Variants in FHIT observed in about 807,000 individuals in gnomAD.
FHIT encodes the protein fragile histidine triad diadenosine triphosphatase.
FHIT carries 19 observed loss-of-function variants against 17.9 expected under a neutral mutation model. That is an observed-to-expected ratio of 1.06 (90% confidence interval 0.74 to 1.56). The LOEUF (loss-of-function observed/expected upper bound fraction) is 1.56. FHIT is among the 40% of genes most tolerant of loss of function. The pLI is 0.00. For missense variants in FHIT, 248 were observed against 189.2 expected (o/e 1.31, Z -1.82); for synonymous variants, 81 against 69.7 (o/e 1.16, Z -0.81).
chr3:60,715,927 C>A (rs1422972969), intron 4 of FHIT, among the ~76,000 whole-genome samples: 1 of 152,106 alleles, frequency 6.6e-6, no homozygotes, highest in Non-Finnish European at 1.5e-5. Context: ...GTCTGTGAAG[C>A]ACCCTTTGAG....
intron 3 of FHIT, among the ~76,000 whole-genome samples, chr3:60,875,923 A>C (rs533723794): frequency 7.3e-6 from 1 of 136,802 alleles, no homozygotes; most frequent in African/African-American, 2.7e-5. Context: ...AAACTTATTC[A>C]TGTGTGTGTG....
At chr3:59,780,715 C>T (rs370648184) in intron 8 of FHIT, among the ~76,000 whole-genome samples, 1 of 152,194 alleles carries the variant, frequency 6.6e-6, no homozygotes. Flanking sequence ...TGTGAGGATA[C>T]CTCAAGAAGG....
intron 5 of FHIT, among the ~76,000 whole-genome samples, chr3:60,302,051 G>C (rs1345823902): frequency 6.6e-6 from 1 of 152,056 alleles, no homozygotes; most frequent in Non-Finnish European, 1.5e-5. Flanking sequence ...TAATATTTTT[G>C]CCTCTACTTT....
At chr3:59,833,496 C>G (rs1397323517) in intron 8 of FHIT, among the ~76,000 whole-genome samples, 1 of 152,170 alleles carries the variant, frequency 6.6e-6, no homozygotes, top group Non-Finnish European at 1.5e-5. Flanking sequence ...CTACAGGCTA[C>G]AGAGAGAGCA....
intron 3 of FHIT, among the ~76,000 whole-genome samples, chr3:60,925,753 GAC>G (rs1553769693): frequency 6.6e-6 from 1 of 152,124 alleles, no homozygotes; most frequent in Non-Finnish European, 1.5e-5. Flanking sequence ...CCAGTTAAAA[GAC>G]ACAGACTGGC....
chr3:61,069,585 C>A (rs1410469310), intron 2 of FHIT, among the ~76,000 whole-genome samples: 1 of 152,090 alleles, frequency 6.6e-6, no homozygotes, highest in African/African-American at 2.4e-5. Flanking sequence ...CCTGCCCAAC[C>A]AAATTAAGGA....
chr3:59,904,876 T>C (rs1233522293), intron 8 of FHIT, among the ~76,000 whole-genome samples: 3 of 152,174 alleles, frequency 2.0e-5, no homozygotes, highest in African/African-American at 7.2e-5. Flanking sequence ...GATTTGTTTG[T>C]GAGTCTGCAA....
At chr3:60,747,317 T>C (rs1653409940) in intron 4 of FHIT, among the ~76,000 whole-genome samples, 1 of 152,132 alleles carries the variant, frequency 6.6e-6, no homozygotes. Context: ...GAGTCAGGTA[T>C]CCCTTCTCAG....
chr3:60,858,175 C>A (rs782503277), intron 3 of FHIT, among the ~76,000 whole-genome samples: 2 of 151,996 alleles, frequency 1.3e-5, no homozygotes, highest in Non-Finnish European at 2.9e-5. Context: ...AAGATCTAAC[C>A]AGTATGATAG....
chr3:60,549,697 CT>C (rs2036482654), intron 4 of FHIT, among the ~76,000 whole-genome samples: 1 of 152,150 alleles, frequency 6.6e-6, no homozygotes, highest in Non-Finnish European at 1.5e-5. Flanking sequence ...AGGGAAATAA[CT>C]TCTTCTAAAT....
intron 5 of FHIT, among the ~76,000 whole-genome samples, chr3:60,183,998 G>GTT (rs11302357): frequency 2.5e-4 from 37 of 146,498 alleles, no homozygotes; most frequent in Non-Finnish European, 3.0e-4. Flanking sequence ...TTTATTTTTC[G>GTT]TTTTTTTTTT....
At chr3:60,464,120 C>A (rs1266668112) in intron 5 of FHIT, among the ~76,000 whole-genome samples, 3 of 152,132 alleles carry the variant, frequency 2.0e-5, no homozygotes, top group African/African-American at 7.2e-5. Flanking sequence ...AACACTATGG[C>A]AGAACTGAGT....
chr3:61,202,774 G>A (rs918023597), intron 1 of FHIT, among the ~76,000 whole-genome samples: 5 of 152,064 alleles, frequency 3.3e-5, no homozygotes, highest in African/African-American at 7.2e-5. Context: ...GCAACAGTGC[G>A]GACACTGTGT....
At chr3:61,136,237 C>A (rs2036912368) in intron 2 of FHIT, among the ~76,000 whole-genome samples, 2 of 149,204 alleles carry the variant, frequency 1.3e-5, no homozygotes, top group Admixed American at 6.7e-5. Context: ...ACCCCCCTCA[C>A]CCGACCCACC....
At chr3:60,531,136 A>G (rs1381768455) in intron 5 of FHIT, among the ~76,000 whole-genome samples, 2 of 152,228 alleles carry the variant, frequency 1.3e-5, no homozygotes, top group Non-Finnish European at 2.9e-5. Flanking sequence ...GCTGGCTAAT[A>G]TACAACAAGC....
At chr3:60,731,668 C>T (rs2042033115) in intron 4 of FHIT, among the ~76,000 whole-genome samples, 1 of 152,140 alleles carries the variant, frequency 6.6e-6, no homozygotes, top group South Asian at 2.1e-4. Context: ...CCTCTTAGTG[C>T]ACATACTTGA....
At chr3:60,936,701 A>G (rs571324825) in intron 3 of FHIT, among the ~76,000 whole-genome samples, 1 of 152,278 alleles carries the variant, frequency 6.6e-6, no homozygotes, top group South Asian at 2.1e-4. Context: ...ATTTTCTAAA[A>G]TTAACTGTTG....
At chr3:60,518,286 T>C (rs1033620954) in intron 5 of FHIT, among the ~76,000 whole-genome samples, 1 of 152,176 alleles carries the variant, frequency 6.6e-6, no homozygotes, top group Non-Finnish European at 1.5e-5. Flanking sequence ...TCTAACATAT[T>C]GGGTTTTTAA....
chr3:59,944,697 G>A (rs1239578252), intron 7 of FHIT, among the ~76,000 whole-genome samples: 1 of 151,996 alleles, frequency 6.6e-6, no homozygotes, highest in Non-Finnish European at 1.5e-5. Flanking sequence ...ACTCAAATAT[G>A]TCCTGGTGTC....
Sources: allele counts gnomAD v4.1 joint callset (sites outside exome capture counted in the v4.1 genomes callset), GRCh38; gene constraint gnomAD v4.1.1; transcripts MANE v1.5; gene names NCBI Gene and HGNC (gene_info 2026-07-23, HGNC 2026-07-21).